PTPN4: variants seen among roughly 807,000 people sequenced by gnomAD.
PTPN4 encodes the protein tyrosine-protein phosphatase non-receptor type 4.
Under a neutral mutation model 135.5 loss-of-function variants are expected in PTPN4, and 49 were observed. The ratio of observed to expected loss-of-function variants is 0.36; its 90% CI spans 0.29 to 0.46. PTPN4 has a LOEUF of 0.46. Among genes scored for constraint, PTPN4 ranks in the 20% least tolerant of loss-of-function variants. PTPN4 has a pLI of 1.00. For missense variants in PTPN4, 860 were observed against 1,101.0 expected, an observed-to-expected ratio of 0.78 and a Z score of 3.10; for synonymous variants, 333 against 369.9, an observed-to-expected ratio of 0.90 and a Z score of 1.14.
chr2:119,847,199 A>G (rs1004443270), intron 2 of PTPN4, among the ~76,000 whole-genome samples: 2 of 147,686 alleles, frequency 1.4e-5, no homozygotes, highest in African/African-American at 4.9e-5. Flanking sequence ...TATATAGAGT[A>G]TATATATACA....
chr2:119,801,647 G>T (rs547658541), intron 1 of PTPN4, among the ~76,000 whole-genome samples: 169 of 152,046 alleles, frequency 1.1e-3, no homozygotes, highest in African/African-American at 3.8e-3. Context: ...TAAGTATTTT[G>T]TTTTTTGTTT....
At chr2:119,912,313 G>A (rs3111728) in intron 10 of PTPN4, among the ~76,000 whole-genome samples, 65,601 of 151,964 alleles carry the variant, frequency 0.43, 16,015 homozygotes, top group African/African-American at 0.67. Context: ...ACTGTGTGGC[G>A]GAAGGAATCT....
rs778786138 is a variant in PTPN4 at position 119,877,419 on chromosome 2, G to A, written c.290-45G>A. On this transcript the variant is annotated intron_variant, in intron 4 of 26. Coordinates refer to ENST00000263708, the MANE Select transcript of PTPN4 (RefSeq NM_002830.4). The stretch of plus-strand genomic sequence containing the variant: ...GCAAGTTTACTTTATAAAGATAAAG[G>A]ATTAATATAGTCTGATTAATTAGAA... 3 of 1,607,606 alleles carry A rather than the reference G, an allele frequency of 1.9e-6. No homozygotes were observed. The South Asian group carries it at 3.4e-5, about 18-fold the overall frequency.
chr2:119,948,545 A>G (rs1253815043), intron 18 of PTPN4, among the ~76,000 whole-genome samples: 2 of 152,210 alleles, frequency 1.3e-5, no homozygotes, highest in African/African-American at 2.4e-5. Flanking sequence ...GTACTTACAC[A>G]GGGATATTAA....
At chr2:119,820,032 A>T (rs72836817) in intron 2 of PTPN4, among the ~76,000 whole-genome samples, 3,163 of 152,056 alleles carry the variant, frequency 0.021, 59 homozygotes, top group Non-Finnish European at 0.033. Flanking sequence ...CACCTAATTT[A>T]AAAAATTCTT....
Position 119,932,455 on chromosome 2 carries a change from A to G in PTPN4, c.1102A>G (p.Met368Val). The change falls in exon 14 of 27, where the codon ATG (methionine) becomes GTG (valine). Residue 368 changes from methionine to valine, a missense_variant. Met to Val is a conservative substitution (Grantham distance 21, BLOSUM62 1). Coordinates refer to ENST00000263708, the MANE Select transcript of PTPN4 (RefSeq NM_002830.4). ...AAGTAAGCCCTTGGCACGGAAATTAATGGATTGGGAAGTAGTAAGCAGAAA... is the reference window on the plus strand; with the variant it reads ...AAGTAAGCCCTTGGCACGGAAATTAGTGGATTGGGAAGTAGTAAGCAGAAA... ...SPSKPLARKL[M>V]DWEVVSRNSI... 1 of 1,611,228 alleles carries G rather than the reference A, an allele frequency of 6.2e-7. No homozygotes were observed. Among genetic ancestry groups the G allele is most frequent in the Middle Eastern group, 1.7e-4 (1 of 6,056 alleles).
chr2:119,811,412 C>T (rs555774963), intron 2 of PTPN4, among the ~76,000 whole-genome samples: 5 of 152,184 alleles, frequency 3.3e-5, no homozygotes, highest in Middle Eastern at 3.4e-3. Flanking sequence ...CTAAAATACC[C>T]AACAGATTTA....
chr2:119,803,460 C>T lies in PTPN4; in HGVS notation c.-17-6377C>T, dbSNP rs139661489. ...ATAACGTAGACTTGTTTAGTTTCTA[C>T]GTGTTTGGAGATTTTTCTGTTGTCT... On this transcript the variant is annotated intron_variant, in intron 1 of 26. Transcript: ENST00000263708. Among the ~76,000 whole-genome samples the T allele has an allele frequency of 3.6e-3, 552 of 152,196 alleles. 3 individuals carry two copies. The highest frequency in any genetic ancestry group is 0.013 in the African/African-American group (526 of 41,536).
chr2:119,888,518 C>T (rs1678193140), intron 9 of PTPN4, among the ~76,000 whole-genome samples: 1 of 151,854 alleles, frequency 6.6e-6, no homozygotes, highest in Non-Finnish European at 1.5e-5. Context: ...GAGGTATGTT[C>T]CTTTTGTGCA....
rs777725558 is a variant in PTPN4 at position 119,920,042 on chromosome 2, T to A, written c.829-27T>A. 5 of 1,578,038 alleles carry A rather than the reference T, an allele frequency of 3.2e-6. No homozygotes were observed. The African/African-American group carries it at 6.8e-5, about 22-fold the overall frequency. On this transcript the variant is annotated intron_variant, in intron 11 of 26. Coordinates refer to ENST00000263708, the MANE Select transcript of PTPN4 (RefSeq NM_002830.4). ...ATTAGATCCTGACATTTTCCTGGTATTCTCTGCATTTTGTCATTTATTACA... is the reference window on the plus strand; with the variant it reads ...ATTAGATCCTGACATTTTCCTGGTAATCTCTGCATTTTGTCATTTATTACA...
chr2:119,882,611 A>G lies in PTPN4; in HGVS notation c.575A>G (p.His192Arg). Residue 192 changes from histidine (H) to arginine (R), a missense_variant, in exon 8 of 27, where the codon CAT becomes CGT. Physicochemically the swap from His to Arg is conservative, Grantham distance 29 (BLOSUM62 0). Transcript: ENST00000263708. Reference sequence around the variant, plus strand: ...TTTGAAAAAGAAATTGCAAAATTACATCAGCAACACATGTAAGAGTTTTTT... The same window carrying G: ...TTTGAAAAAGAAATTGCAAAATTACGTCAGCAACACATGTAAGAGTTTTTT... ...QDFEKEIAKL[H>R]QQHIGLSPAE... The G allele has an allele frequency of 6.5e-7, 1 of 1,539,704 alleles. No individual in the cohort carries two copies. The highest frequency in any genetic ancestry group is 8.9e-7 in the Non-Finnish European group (1 of 1,129,152).
chr2:119,936,559 G>A (rs1009169993), intron 15 of PTPN4, among the ~76,000 whole-genome samples: 4 of 152,142 alleles, frequency 2.6e-5, no homozygotes, highest in African/African-American at 9.7e-5. Flanking sequence ...GCCGCCCTGT[G>A]AAGAGGTGCC....
chr2:119,801,606 A>G (rs765947326), intron 1 of PTPN4, among the ~76,000 whole-genome samples: 27 of 152,096 alleles, frequency 1.8e-4, no homozygotes, highest in Non-Finnish European at 2.9e-4. Context: ...TTAGCATAGA[A>G]GTTCTCTATG....
At chr2:119,796,640 G>A (rs528750825) in intron 1 of PTPN4, among the ~76,000 whole-genome samples, 1 of 152,150 alleles carries the variant, frequency 6.6e-6, no homozygotes, top group East Asian at 1.9e-4. Context: ...TTCCAGTTTG[G>A]GGATATAATA....
rs563285575 is a variant in PTPN4, at chr2:119,809,771, C to T, written c.-17-66C>T. On this transcript the variant is annotated intron_variant, in intron 1 of 26. Coordinates refer to ENST00000263708, the MANE Select transcript of PTPN4 (RefSeq NM_002830.4). The stretch of plus-strand genomic sequence containing the variant: ...AATTGAGAAATATATAATAACTTTG[C>T]CTTTTAAACTACAGCTTATATTTTA... The T allele has an allele frequency of 9.9e-5, 132 of 1,330,402 alleles. 5 individuals are homozygous for T. In the South Asian group the frequency reaches 2.0e-3, roughly 21 times the overall value. 82.4% of individuals were successfully genotyped at this position (1,330,402 alleles called of 1,614,324 possible). A position where few individuals can be genotyped will look rare whatever the true frequency, so the allele number is the denominator to read the frequency against.
chr2:119,811,477 C>T (rs528050435), intron 2 of PTPN4, among the ~76,000 whole-genome samples: 41 of 152,068 alleles, frequency 2.7e-4, no homozygotes, highest in Non-Finnish European at 5.4e-4. Context: ...TGTATTCTAT[C>T]ATCTGTTAAT....
At chr2:119,958,385 A>G (rs1679320135) in intron 22 of PTPN4, among the ~76,000 whole-genome samples, 1 of 152,016 alleles carries the variant, frequency 6.6e-6, no homozygotes, top group Admixed American at 6.6e-5. Flanking sequence ...AAGACAATTC[A>G]TAGAAAAGGA....
At chr2:119,930,999 T>C (rs1032833323) in intron 13 of PTPN4, among the ~76,000 whole-genome samples, 13 of 152,090 alleles carry the variant, frequency 8.5e-5, no homozygotes, top group African/African-American at 3.1e-4. Flanking sequence ...TCTTATTAAC[T>C]ATAACCAAAA....
chr2:119,815,249 C>G (rs1318998585), intron 2 of PTPN4, among the ~76,000 whole-genome samples: 3 of 152,064 alleles, frequency 2.0e-5, no homozygotes, highest in African/African-American at 7.2e-5. Context: ...CATATTCTTT[C>G]TTTGTTAAGA....
Sources: gnomAD v4.1 joint callset for allele counts (sites outside exome capture counted in the v4.1 genomes callset) on GRCh38, gnomAD v4.1.1 for gene constraint, MANE v1.5 for transcripts, NCBI Gene and HGNC (gene_info 2026-07-23, HGNC 2026-07-21) for gene names.